NDUFA5: variants seen among roughly 807,000 people sequenced by gnomAD.
NDUFA5 encodes NADH dehydrogenase [ubiquinone] 1 alpha subcomplex subunit 5.
NDUFA5 carries 11 observed loss-of-function variants against 19.8 expected under a neutral mutation model. That is an observed-to-expected ratio of 0.56 (90% CI 0.35 to 0.92). The LOEUF (loss-of-function observed/expected upper bound fraction) is 0.92, where lower values mean the gene tolerates loss of function less well. NDUFA5 is among the 40% of genes least tolerant of loss of function. The probability of loss-of-function intolerance (pLI) is 0.01; values close to 1 mark genes in which losing one functional copy is unlikely to be tolerated. For synonymous variants in NDUFA5, 47 were observed against 46.8 expected, an observed-to-expected ratio of 1.00 and a Z score of -0.01; for missense variants, 109 against 134.2, an observed-to-expected ratio of 0.81 and a Z score of 0.93.
At chr7:123,582,906 C>A in the NDUFA5 span, among the ~76,000 whole-genome samples, 2 of 151,862 alleles carry the variant, frequency 1.3e-5, no homozygotes, top group Non-Finnish European at 2.9e-5. Flanking sequence ...TCATTTAGAA[C>A]GCTCAGAAAT....
the NDUFA5 span, among the ~76,000 whole-genome samples, chr7:123,589,173 C>A: frequency 7.2e-5 from 11 of 151,820 alleles, no homozygotes; most frequent in African/African-American, 2.7e-4. Flanking sequence ...GTCTATTTCT[C>A]CCTTCAGAAC....
chr7:123,547,201 C>T (rs1798164895), intron 3 of NDUFA5, among the ~76,000 whole-genome samples: 1 of 152,122 alleles, frequency 6.6e-6, no homozygotes, highest in Non-Finnish European at 1.5e-5. Flanking sequence ...AACTTCTGGC[C>T]TCCAGAAGTC....
chr7:123,585,132 A>G, the NDUFA5 span: 4 of 151,900 alleles, frequency 2.6e-5, no homozygotes, highest in African/African-American at 7.2e-5. Flanking sequence ...TAGCATTTCC[A>G]TGACTTTGTT....
the NDUFA5 span, among the ~76,000 whole-genome samples, chr7:123,565,301 A>G: frequency 6.6e-6 from 1 of 152,070 alleles, no homozygotes; most frequent in East Asian, 1.9e-4. Context: ...GCCTTATTCT[A>G]TAAATTCAAA....
At chr7:123,599,037 C>T in the NDUFA5 span, 2 of 152,124 alleles carry the variant, frequency 1.3e-5, no homozygotes, top group Non-Finnish European at 2.9e-5. Flanking sequence ...TTTTTATATT[C>T]TTTTCTACTG....
the NDUFA5 span, among the ~76,000 whole-genome samples, chr7:123,593,663 G>C: frequency 6.6e-6 from 1 of 152,112 alleles, no homozygotes; most frequent in South Asian, 2.1e-4. Flanking sequence ...AGTCTGATGG[G>C]CTTCTCTTTG....
the NDUFA5 span, among the ~76,000 whole-genome samples, chr7:123,577,429 C>T: frequency 1.3e-5 from 2 of 152,164 alleles, no homozygotes; most frequent in Non-Finnish European, 2.9e-5. Context: ...ATAACAATCA[C>T]ATTTTTCATT....
chr7:123,590,592 T>G, the NDUFA5 span, among the ~76,000 whole-genome samples: 3 of 152,150 alleles, frequency 2.0e-5, no homozygotes, highest in Admixed American at 6.6e-5. Context: ...TTTCCCCATT[T>G]CTTGTTTTTG....
chr7:123,579,249 T>A, the NDUFA5 span, among the ~76,000 whole-genome samples: 1 of 152,136 alleles, frequency 6.6e-6, no homozygotes. Context: ...TTTATGGCTG[T>A]GTAGTATTTC....
At chr7:123,573,245 TC>T in the NDUFA5 span, among the ~76,000 whole-genome samples, 295 of 150,346 alleles carry the variant, frequency 2.0e-3, 5 homozygotes, top group Middle Eastern at 0.024. Flanking sequence ...TCACCAAGCT[TC>T]CCCCCCGCCT....
At position 123,541,383 on chromosome 7, in the gene NDUFA5, C is replaced by T. The variant is rs1797939413; in HGVS notation, c.*736G>A. ...GAAAATTTCTCCAATAACCTGTATG[C>T]AATGGGAAATCTTTCTTTTAAGTAC... On this transcript the variant is annotated 3_prime_UTR_variant, in exon 5 of 5. Coordinates refer to ENST00000355749, the MANE Select transcript of NDUFA5 (RefSeq NM_005000.5). 2.6e-5 allele frequency: 4 copies of T among 152,176 alleles called. No individual in the cohort carries two copies. The South Asian group carries it at 8.3e-4, about 31-fold the overall frequency. The allele number at this position is 152,176 out of a possible 1,614,324, so 9.4% of individuals were successfully genotyped here. A position where few individuals can be genotyped will look rare whatever the true frequency, so the allele number is the denominator to read the frequency against.
intron 2 of NDUFA5, among the ~76,000 whole-genome samples, chr7:123,554,082 G>A (rs968592178): frequency 6.6e-6 from 1 of 152,172 alleles, no homozygotes; most frequent in Non-Finnish European, 1.5e-5. Flanking sequence ...AACAGTAGAT[G>A]CTAGCTAAAT....
At chr7:123,594,979 A>G in the NDUFA5 span, among the ~76,000 whole-genome samples, 3 of 152,230 alleles carry the variant, frequency 2.0e-5, no homozygotes, top group African/African-American at 7.2e-5. Context: ...TTACACTGTG[A>G]GCATAAAACC....
At chr7:123,600,295 C>T in the NDUFA5 span, among the ~76,000 whole-genome samples, 3 of 152,130 alleles carry the variant, frequency 2.0e-5, no homozygotes, top group African/African-American at 7.2e-5. Flanking sequence ...GCTTTTCTAT[C>T]ATTATATGCA....
the NDUFA5 span, among the ~76,000 whole-genome samples, chr7:123,580,036 A>G: frequency 1.3e-5 from 2 of 152,082 alleles, no homozygotes; most frequent in Non-Finnish European, 2.9e-5. Context: ...CAAAATAAAT[A>G]TGATAGGGAA....
chr7:123,592,906 A>AG, the NDUFA5 span, among the ~76,000 whole-genome samples: 1,062 of 151,812 alleles, frequency 7.0e-3, 14 homozygotes, highest in African/African-American at 0.025. Flanking sequence ...TGGGAGTCTA[A>AG]GTCTCTTTGT....
chr7:123,576,351 G>A, the NDUFA5 span, among the ~76,000 whole-genome samples: 1 of 151,540 alleles, frequency 6.6e-6, no homozygotes, highest in Non-Finnish European at 1.5e-5. Flanking sequence ...TGTTGTTGTT[G>A]TTTTAATTAA....
At chr7:123,571,796 C>A in the NDUFA5 span, among the ~76,000 whole-genome samples, 1 of 152,226 alleles carries the variant, frequency 6.6e-6, no homozygotes, top group Admixed American at 6.5e-5. Context: ...TCTATTTTTG[C>A]ATTTGTTTCC....
the NDUFA5 span, among the ~76,000 whole-genome samples, chr7:123,579,387 T>G: frequency 6.6e-6 from 1 of 152,132 alleles, no homozygotes. Flanking sequence ...TATTGTTAAA[T>G]TTGTTTTGCT....
Sources: allele counts gnomAD v4.1 joint callset (sites outside exome capture counted in the v4.1 genomes callset), GRCh38; gene constraint gnomAD v4.1.1; transcripts MANE v1.5; gene names NCBI Gene and HGNC (gene_info 2026-07-23, HGNC 2026-07-21).